ZNHIT3: variants seen among roughly 807,000 people sequenced by gnomAD.
ZNHIT3 encodes zinc finger HIT domain-containing protein 3.
In ZNHIT3, 27 loss-of-function variants were observed where a neutral mutation model predicts 19.9. The ratio of observed to expected loss-of-function variants is 1.36; its 90% CI spans 1.00 to 1.87. The LOEUF (loss-of-function observed/expected upper bound fraction) is 1.87, where lower values mean the gene tolerates loss of function less well. Ranked by LOEUF, ZNHIT3 falls within the 40% of genes most tolerant of loss-of-function variation. ZNHIT3 has a pLI of 0.00. For synonymous variants in ZNHIT3, 81 were observed against 65.7 expected (o/e 1.23, Z -1.13); for missense variants, 215 against 185.6 (o/e 1.16, Z -0.92).
At chr17:36,486,911 G>T in intron 1 of ZNHIT3, 24 bp from the exon 2 acceptor site, 1 of 1,604,100 alleles carries the variant, frequency 6.2e-7, no homozygotes, top group Non-Finnish European at 8.5e-7. Flanking sequence ...GGGCTGACGC[G>T]GCCTGTGGCC....
At chr17:36,495,933 T>C (rs578037081), downstream of ZNHIT3, 37 of 1,072,522 alleles carry the variant, frequency 3.4e-5, no homozygotes, top group South Asian at 1.6e-3. Flanking sequence ...TATGTGGAAT[T>C]GGGATCCCCA....
downstream of ZNHIT3, chr17:36,499,235 G>GCAC: frequency 9.7e-7 from 1 of 1,029,166 alleles, no homozygotes; most frequent in South Asian, 1.4e-5. Context: ...CGCTGCAGCA[G>GCAC]CACCACAGTT....
Position 36,492,917 on chromosome 17 carries a change from A to T in ZNHIT3, c.205+18A>T. On this transcript the variant is annotated intron_variant, in intron 3 of 4. Coordinates refer to ENST00000617429, the MANE Select transcript of ZNHIT3 (RefSeq NM_004773.4). ...AAACAAAGGTGGGTTGGTTGACTTCAAACAAATCTACAAGGGACTTCACAT... is the reference window on the plus strand; with the variant it reads ...AAACAAAGGTGGGTTGGTTGACTTCTAACAAATCTACAAGGGACTTCACAT... The T allele has an allele frequency of 1.2e-6, 2 of 1,610,692 alleles. No homozygotes were observed. Among genetic ancestry groups the T allele is most frequent in the Non-Finnish European group, 1.7e-6 (2 of 1,176,920 alleles).
downstream of ZNHIT3, chr17:36,498,833 T>C: frequency 1.7e-6 from 1 of 593,358 alleles, no homozygotes; most frequent in Non-Finnish European, 3.0e-6. Flanking sequence ...TCTTCTAAAG[T>C]GTACATCCCA....
At chr17:36,487,120 TC>T (rs2142509453) in intron 2 of ZNHIT3, among the ~76,000 whole-genome samples, 154 bp downstream of exon 2, 1 of 152,214 alleles carries the variant, frequency 6.6e-6, no homozygotes, top group Admixed American at 6.5e-5. Context: ...TCTGACTTGG[TC>T]CCTGGTGTCT....
chr17:36,492,755 G>A, intron 2 of ZNHIT3, 58 bp from the exon 3 acceptor site: 1 of 1,504,370 alleles, frequency 6.6e-7, no homozygotes, highest in Non-Finnish European at 9.2e-7. Context: ...TGGTAGGGAG[G>A]TGCAGCCTTG....
At chr17:36,490,213 C>G (rs1197626304) in intron 2 of ZNHIT3, 1 of 152,070 alleles carries the variant, frequency 6.6e-6, no homozygotes, top group Non-Finnish European at 1.5e-5. Flanking sequence ...AGTTTCAGGT[C>G]TTACATTTAG....
chr17:36,489,557 T>G (rs958946341), intron 2 of ZNHIT3: 3 of 152,236 alleles, frequency 2.0e-5, no homozygotes, highest in Non-Finnish European at 2.9e-5. Context: ...ATGTTGAACA[T>G]TTTTTCATGT....
downstream of ZNHIT3, chr17:36,498,584 A>G: frequency 6.3e-7 from 1 of 1,585,968 alleles, no homozygotes; most frequent in Non-Finnish European, 8.6e-7. Context: ...ATCCCTTTAT[A>G]GCTTTAGATT....
At chr17:36,498,515 T>G (rs2071210900), downstream of ZNHIT3, 1 of 1,614,018 alleles carries the variant, frequency 6.2e-7, no homozygotes, top group Non-Finnish European at 8.5e-7. Flanking sequence ...AGTGTTTTTC[T>G]TCCACACCAT....
intron 4 of ZNHIT3, among the ~76,000 whole-genome samples, chr17:36,494,940 G>A (rs2070851839): frequency 6.6e-6 from 1 of 152,132 alleles, no homozygotes; most frequent in African/African-American, 2.4e-5. Flanking sequence ...AAGATACCAA[G>A]AACTGGTATC....
chr17:36,493,222 T>G, intron 3 of ZNHIT3: 1 of 386,756 alleles, frequency 2.6e-6, no homozygotes, highest in Non-Finnish European at 4.7e-6. Context: ...TCCATGAATC[T>G]GGCTGGGACT....
chr17:36,495,512 T>C lies in ZNHIT3; in HGVS notation c.*108T>C, dbSNP rs1472714791. 1.4e-5 allele frequency: 20 copies of C among 1,397,244 alleles called. No individual in the cohort carries two copies. In the East Asian group the frequency reaches 5.0e-4, roughly 35 times the overall value. 86.6% of individuals were successfully genotyped at this position (1,397,244 alleles called of 1,614,324 possible). A position where few individuals can be genotyped will look rare whatever the true frequency, so the allele number is the denominator to read the frequency against. ...GGCTGGGGAGCTCAGGCAAAAGAGG[T>C]TTCCAGGATGCAGATTAGGTCATGC... On this transcript the variant is annotated 3_prime_UTR_variant, in exon 5 of 5. Coordinates refer to ENST00000617429, the MANE Select transcript of ZNHIT3 (RefSeq NM_004773.4).
At position 36,495,670 on chromosome 17, in the gene ZNHIT3, T is replaced by G; in HGVS notation, c.*266T>G. On this transcript the variant is annotated 3_prime_UTR_variant, in exon 5 of 5. Coordinates refer to ENST00000617429, the MANE Select transcript of ZNHIT3 (RefSeq NM_004773.4). ...AATGTTTTACTTTTGGTACAGTTGA[T>G]AGACATCATAAACGATATCAAGCTT... 1.6e-6 allele frequency: 2 copies of G among 1,280,190 alleles called. No homozygotes were observed. The highest frequency in any genetic ancestry group is 2.0e-6 in the Non-Finnish European group (2 of 1,016,634). The allele number at this position is 1,280,190 out of a possible 1,614,324, so 79.3% of individuals were successfully genotyped here. A position where few individuals can be genotyped will look rare whatever the true frequency, so the allele number is the denominator to read the frequency against.
At chr17:36,487,002 G>A (rs1432808858) in intron 2 of ZNHIT3, 36 bp downstream of exon 2, 3 of 1,608,312 alleles carry the variant, frequency 1.9e-6, no homozygotes, top group East Asian at 2.3e-5. Flanking sequence ...GTACCACTGC[G>A]CACGGGGCAG....
At chr17:36,498,308 T>C, downstream of ZNHIT3, 1 of 1,613,936 alleles carries the variant, frequency 6.2e-7, no homozygotes, top group Non-Finnish European at 8.5e-7. Flanking sequence ...CCTGGTCTTG[T>C]GCTGTCTGGA....
chr17:36,487,837 G>A (rs1356785421), intron 2 of ZNHIT3, among the ~76,000 whole-genome samples: 8 of 147,510 alleles, frequency 5.4e-5, no homozygotes, highest in African/African-American at 2.0e-4. Context: ...GGCGCGGTGG[G>A]TCACGCCTGT....
At chr17:36,496,013 T>C (rs1370349330), downstream of ZNHIT3, 2 of 779,972 alleles carry the variant, frequency 2.6e-6, no homozygotes, top group Non-Finnish European at 1.9e-6. Flanking sequence ...GGCCCTGATG[T>C]TTCTTAACCC....
At chr17:36,498,230 G>A (rs2071182087), downstream of ZNHIT3, 2 of 1,586,822 alleles carry the variant, frequency 1.3e-6, no homozygotes, top group African/African-American at 1.3e-5. Context: ...GCTGTTCTCA[G>A]GAACAAAGCT....
Sources: allele counts gnomAD v4.1 joint callset (sites outside exome capture counted in the v4.1 genomes callset), GRCh38; gene constraint gnomAD v4.1.1; transcripts MANE v1.5; gene names NCBI Gene and HGNC (gene_info 2026-07-23, HGNC 2026-07-21).